TAX1BP1: variants seen among roughly 807,000 people sequenced by gnomAD.
The protein encoded by TAX1BP1 is tax1-binding protein 1.
Under a neutral mutation model 97.7 loss-of-function variants are expected in TAX1BP1, and 62 were observed. That is an observed-to-expected ratio of 0.63 (90% CI 0.52 to 0.78). TAX1BP1 has a LOEUF of 0.78. Among genes scored for constraint, TAX1BP1 ranks in the 30% least tolerant of loss-of-function variants. TAX1BP1 has a pLI of 0.00. For missense variants in TAX1BP1, 867 were observed against 916.1 expected, an observed-to-expected ratio of 0.95 and a Z score of 0.69; for synonymous variants, 340 against 304.2, an observed-to-expected ratio of 1.12 and a Z score of -1.23.
Position 27,794,425 on chromosome 7 carries a change from G to A in TAX1BP1, c.1513G>A (p.Val505Ile), listed in dbSNP as rs143459175. 76 of 1,609,430 alleles carry A rather than the reference G, an allele frequency of 4.7e-5. No individual in the cohort carries two copies. The African/African-American group carries it at 8.7e-4, about 18-fold the overall frequency. ...AGCCACTTCTGCCTCTACTGTAGAT[G>A]TAAAGCCATCACCTTCTGCAGGTAA... ...DPATSASTVDVKPSPSAAEAD... is the reference protein window; with the variant it reads ...DPATSASTVDIKPSPSAAEAD... The change falls in exon 11 of 17, where the codon GTA (valine) becomes ATA (isoleucine). Residue 505 changes from valine to isoleucine, a missense_variant. Around this residue, in one of 3 missense-constraint regions of TAX1BP1, gnomAD observed 822 missense variants for 851.4 expected, o/e 0.97. Transcript: ENST00000396319.
chr7:27,812,946 A>G (rs1342809069), intron 13 of TAX1BP1, among the ~76,000 whole-genome samples: 1 of 152,198 alleles, frequency 6.6e-6, no homozygotes, highest in Non-Finnish European at 1.5e-5. Flanking sequence ...TATGACTGCA[A>G]TTGCAGAGAC....
chr7:27,765,700 A>G, intron 3 of TAX1BP1, 134 bp from the exon 4 acceptor site: 1 of 765,562 alleles, frequency 1.3e-6, no homozygotes, highest in South Asian at 2.0e-5. Flanking sequence ...TAATTTGCGA[A>G]AGGAGGAAGG....
intron 15 of TAX1BP1, among the ~76,000 whole-genome samples, chr7:27,826,524 T>C (rs1350103143): frequency 6.6e-6 from 1 of 152,102 alleles, no homozygotes; most frequent in Non-Finnish European, 1.5e-5. Flanking sequence ...ACATAAAGGC[T>C]TCCTCAGTGC....
chr7:27,740,211 C>A lies in TAX1BP1; in HGVS notation c.-66C>A, dbSNP rs926558247. ...GCGGAAGAGGTTCGGCGGCTGATGG[C>A]GGATCAGGATCGGAAGCCTGCGTAA... On this transcript the variant is annotated 5_prime_UTR_variant, in exon 1 of 17. Coordinates refer to ENST00000396319, the MANE Select transcript of TAX1BP1 (RefSeq NM_006024.7). The A allele has an allele frequency of 2.6e-5, 4 of 152,530 alleles. No individual in the cohort carries two copies. The highest frequency in any genetic ancestry group is 5.8e-5 in the Non-Finnish European group (4 of 68,382). The allele number at this position is 152,530 out of a possible 1,614,324, so 9.4% of individuals were successfully genotyped here.
At chr7:27,785,658 CT>C (rs974649325) in intron 7 of TAX1BP1, among the ~76,000 whole-genome samples, 169 bp downstream of exon 7, 2 of 152,116 alleles carry the variant, frequency 1.3e-5, no homozygotes, top group African/African-American at 4.8e-5. Context: ...CAGCTAAGGG[CT>C]TGATTGGGAC....
At chr7:27,761,472 G>A (rs1431117711) in intron 3 of TAX1BP1, among the ~76,000 whole-genome samples, 4 of 152,122 alleles carry the variant, frequency 2.6e-5, no homozygotes, top group Admixed American at 2.6e-4. Context: ...AAAGTCTCCT[G>A]TGTCCCACCA....
At position 27,828,980 on chromosome 7, in the gene TAX1BP1, A is replaced by C. The variant is rs1782594108; in HGVS notation, c.*151A>C. ...CAGGAGCTACTTTGAGTTTGGTGTT[A>C]CTAGGATCAGGGTCAGTCTTTGGCT... On this transcript the variant is annotated 3_prime_UTR_variant, in exon 17 of 17. Transcript: ENST00000396319. The C allele has an allele frequency of 1.2e-5, 7 of 596,728 alleles. No homozygotes were observed. In the South Asian group the frequency reaches 1.8e-4, roughly 15 times the overall value. 37.0% of individuals were successfully genotyped at this position (596,728 alleles called of 1,614,324 possible).
Position 27,792,244 on chromosome 7 carries a change from A to T in TAX1BP1, c.1263+14A>T, listed in dbSNP as rs778068435. ...AAAAAAGATCAGGTAAAACAAGTTAATTTTGAATTTGCATTTTGATTTAAG... is the reference window on the plus strand; with the variant it reads ...AAAAAAGATCAGGTAAAACAAGTTATTTTTGAATTTGCATTTTGATTTAAG... On this transcript the variant is annotated intron_variant, in intron 9 of 16. Coordinates refer to ENST00000396319, the MANE Select transcript of TAX1BP1 (RefSeq NM_006024.7). The T allele has an allele frequency of 1.9e-6, 3 of 1,578,038 alleles. No homozygotes were observed. In the South Asian group the frequency reaches 3.4e-5, roughly 18 times the overall value.
rs1788545506 is a variant in TAX1BP1 at position 27,764,528 on chromosome 7, T to C, written c.266-1306T>C. 3.3e-5 allele frequency among the ~76,000 whole-genome samples: 5 copies of C among 152,216 alleles called. No homozygotes were observed. In the South Asian group the frequency reaches 1.0e-3, roughly 32 times the overall value. On this transcript the variant is annotated intron_variant, in intron 3 of 16. Transcript: ENST00000396319. ...TTATTACTGGTTATAATAATCTTGA[T>C]TGCTTGTTTAAGATTGTGTCTTCTG...
In TAX1BP1 at chr7:27,792,976, GA is replaced by G. The variant is rs550994080; in HGVS notation, c.1264-83del. The G allele has an allele frequency of 1.5e-3, 1,898 of 1,259,646 alleles. 10 individuals carry two copies. Among genetic ancestry groups the G allele is most frequent in the African/African-American group, 0.014 (894 of 63,582 alleles). 78.0% of individuals were successfully genotyped at this position (1,259,646 alleles called of 1,614,324 possible). On this transcript the variant is annotated intron_variant, in intron 9 of 16. Transcript: ENST00000396319. ...GACTCTGTCTCAAAAACAAAAAAAA[GA>G]AAAAAAGTAAGATTGAAGTTGGGGT...
chr7:27,776,850 T>C (rs1032545712), intron 5 of TAX1BP1, among the ~76,000 whole-genome samples: 1 of 151,904 alleles, frequency 6.6e-6, no homozygotes, highest in Middle Eastern at 3.2e-3. Context: ...TTTCTCTCTG[T>C]TTCATTTTAA....
intron 3 of TAX1BP1, among the ~76,000 whole-genome samples, chr7:27,763,218 A>G (rs1252694541): frequency 2.6e-5 from 4 of 152,208 alleles, no homozygotes; most frequent in African/African-American, 4.8e-5. Context: ...ACATCTAACA[A>G]TACCTAAACG....
At chr7:27,813,469 C>G (rs571448130) in intron 13 of TAX1BP1, among the ~76,000 whole-genome samples, 1 of 151,970 alleles carries the variant, frequency 6.6e-6, no homozygotes, top group Non-Finnish European at 1.5e-5. Flanking sequence ...ATCCTCCCAC[C>G]TCAGGTTTCT....
At chr7:27,786,227 G>A (rs1021333532) in intron 7 of TAX1BP1, among the ~76,000 whole-genome samples, 1 of 151,634 alleles carries the variant, frequency 6.6e-6, no homozygotes, top group African/African-American at 2.4e-5. Flanking sequence ...TGCCTCTCGG[G>A]TTCACGCCAT....
intron 12 of TAX1BP1, among the ~76,000 whole-genome samples, chr7:27,796,697 A>C (rs1233276644): frequency 6.6e-6 from 1 of 151,962 alleles, no homozygotes; most frequent in Non-Finnish European, 1.5e-5. Context: ...CCCTGTCTGT[A>C]CTAAAAATAC....
chr7:27,794,300 C>T, intron 10 of TAX1BP1, 23 bp from the exon 11 acceptor site: 1 of 1,582,426 alleles, frequency 6.3e-7, no homozygotes, highest in Non-Finnish European at 8.6e-7. Context: ...ACTCATTTAA[C>T]AACTTATTAA....
At position 27,793,119 on chromosome 7, in the gene TAX1BP1, A is replaced by G; in HGVS notation, c.1317A>G (p.Lys439=). Residue 439 remains lysine, a synonymous_variant, in exon 10 of 17, where the codon AAA becomes AAG. Transcript: ENST00000396319. ...TAAGAAGAGAAGTTGAAGATCTGAA[A>G]CTCCGTCTTCAGATGGCTGCAGACC... The part of the protein sequence containing the change: ...HELRREVEDL[K]LRLQMAADHY... 2 of 1,605,560 alleles carry G rather than the reference A, an allele frequency of 1.2e-6. No homozygotes were observed. The highest frequency in any genetic ancestry group is 2.2e-5 in the South Asian group (2 of 88,908).
At position 27,806,842 on chromosome 7, in the gene TAX1BP1, G is replaced by T. The variant is rs1259642958; in HGVS notation, c.1764+6752G>T. On this transcript the variant is annotated intron_variant, in intron 13 of 16. Coordinates refer to ENST00000396319, the MANE Select transcript of TAX1BP1 (RefSeq NM_006024.7). ...CATTAAGTATATACATTAACTTAGGGATAACTAACATCTTGGTGATATTTC... is the reference window on the plus strand; with the variant it reads ...CATTAAGTATATACATTAACTTAGGTATAACTAACATCTTGGTGATATTTC... Among the ~76,000 whole-genome samples the T allele has an allele frequency of 3.3e-5, 5 of 152,190 alleles. No homozygotes were observed. In the South Asian group the frequency reaches 6.2e-4, roughly 19 times the overall value.
At position 27,828,860 on chromosome 7, in the gene TAX1BP1, GC is replaced by G; in HGVS notation, c.*32del. 2 of 1,122,442 alleles carry G rather than the reference GC, an allele frequency of 1.8e-6. No homozygotes were observed. The highest frequency in any genetic ancestry group is 2.5e-5 in the Admixed American group (1 of 40,240). The allele number at this position is 1,122,442 out of a possible 1,614,324, so 69.5% of individuals were successfully genotyped here. A position where few individuals can be genotyped will look rare whatever the true frequency, so the allele number is the denominator to read the frequency against. The stretch of plus-strand genomic sequence containing the variant: ...TTTTATTATGAGTTAATATAGTTTA[GC>G]AGTAAAAAAAAAAAAAAAAACCACA... On this transcript the variant is annotated 3_prime_UTR_variant, in exon 17 of 17. Coordinates refer to ENST00000396319, the MANE Select transcript of TAX1BP1 (RefSeq NM_006024.7).
Sources: allele counts gnomAD v4.1 joint callset (sites outside exome capture counted in the v4.1 genomes callset), GRCh38; gene constraint gnomAD v4.1.1; regional missense constraint gnomAD v4.1.1; transcripts MANE v1.5; gene names NCBI Gene and HGNC (gene_info 2026-07-23, HGNC 2026-07-21).